Variants in UBE2J1 observed in about 807,000 individuals in gnomAD.
UBE2J1 encodes the protein ubiquitin conjugating enzyme E2 J1.
Under a neutral mutation model 42.1 loss-of-function variants are expected in UBE2J1, and 17 were observed. The observed-to-expected ratio is 0.40, with a 90% CI of 0.28 to 0.61. The LOEUF is 0.61. Among genes scored for constraint, UBE2J1 ranks in the 20% least tolerant of loss-of-function variants. UBE2J1 has a pLI of 0.38. For synonymous variants in UBE2J1, 127 were observed against 137.2 expected (o/e 0.93, Z 0.52); for missense variants, 291 against 389.4 (o/e 0.75, Z 2.13).
At chr6:89,338,670 T>TTG in intron 3 of UBE2J1, 127 bp from the exon 4 acceptor site, 2 of 218,414 alleles carry the variant, frequency 9.2e-6, no homozygotes, top group Non-Finnish European at 1.4e-5. Flanking sequence ...TTTTTTTTTT[T>TTG]TTTTTTTTTT....
Position 89,342,356 on chromosome 6 carries a change from G to C in UBE2J1, c.205C>G (p.Pro69Ala). Reference sequence around the variant, plus strand: ...AGAATAATGCTTGGTGGTTTCATGGGATACTCTGGTGGCAGTACTATCCGC... The same window carrying C: ...AGAATAATGCTTGGTGGTTTCATGGCATACTCTGGTGGCAGTACTATCCGC... ...HGRIVLPPEY[P>A]MKPPSIILLT... Residue 69 changes from proline (P) to alanine (A), a missense_variant, in exon 3 of 8, where the codon CCC (proline) becomes GCC (alanine). Physicochemically the swap from Pro to Ala is conservative, Grantham distance 27 (BLOSUM62 -1). This residue lies in a region of UBE2J1 where 115 missense variants were observed against 193.1 expected (regional missense o/e 0.60). Transcript: ENST00000435041. 1 of 1,614,024 alleles carries C rather than the reference G, an allele frequency of 6.2e-7. No homozygotes were observed. The highest frequency in any genetic ancestry group is 8.5e-7 in the Non-Finnish European group (1 of 1,179,956).
intron 1 of UBE2J1, among the ~76,000 whole-genome samples, chr6:89,351,588 T>C (rs1768481738): frequency 6.6e-6 from 1 of 152,228 alleles, no homozygotes; most frequent in African/African-American, 2.4e-5. Flanking sequence ...CTAGTCTTGC[T>C]AATTCCTACT....
Position 89,338,233 on chromosome 6 carries a change from G to T in UBE2J1, c.400C>A (p.Pro134Thr), listed in dbSNP as rs140886444. Reference sequence around the variant, plus strand: ...TTGGCAAGTGCTCTTCTTTCCTCAGGAGTGTAATCTAGAGAACCTATGGCT... The same window carrying T: ...TTGGCAAGTGCTCTTCTTTCCTCAGTAGTGTAATCTAGAGAACCTATGGCT... The part of the protein sequence containing the change: ...EGAIGSLDYT[P>T]EERRALAKKS... Residue 134 changes from proline to threonine, a missense_variant, in exon 5 of 8, where the codon CCT (proline) becomes ACT (threonine). By Grantham distance (38) the Pro-to-Thr change is conservative. Coordinates refer to ENST00000435041, the MANE Select transcript of UBE2J1 (RefSeq NM_016021.3). 34 of 1,613,424 alleles carry T rather than the reference G, an allele frequency of 2.1e-5. No individual in the cohort carries two copies. The African/African-American group carries it at 4.0e-4, about 19-fold the overall frequency.
intron 4 of UBE2J1, 26 bp downstream of exon 4, chr6:89,338,433 T>C (rs377702612): frequency 8.5e-5 from 136 of 1,593,380 alleles, no homozygotes; most frequent in Non-Finnish European, 1.1e-4. Flanking sequence ...TTATGAGATT[T>C]ATATTCACTA....
intron 3 of UBE2J1, among the ~76,000 whole-genome samples, chr6:89,341,054 C>T (rs895617306): frequency 2.4e-4 from 37 of 152,172 alleles, no homozygotes; most frequent in Admixed American, 2.2e-3. Context: ...GGATTACAGG[C>T]GTGAGCCACC....
chr6:89,345,619 C>G (rs770479441), intron 1 of UBE2J1, among the ~76,000 whole-genome samples: 6 of 149,734 alleles, frequency 4.0e-5, no homozygotes, highest in Non-Finnish European at 7.4e-5. Flanking sequence ...AACAAACAAA[C>G]AAACAAAACC....
rs747937760 is a variant in UBE2J1, at chr6:89,333,984, C to CTGTA, written c.559-783_559-780dup. Among the ~76,000 whole-genome samples the CTGTA allele has an allele frequency of 9.2e-5, 14 of 152,214 alleles. No homozygotes were observed. In the East Asian group the frequency reaches 2.1e-3, roughly 23 times the overall value. The stretch of plus-strand genomic sequence containing the variant: ...GGATTAAATACTTAATACTTTACGT[C>CTGTA]TGTATGTATGTATGTATTTATTTAT... On this transcript the variant is annotated intron_variant, in intron 6 of 7. Coordinates refer to ENST00000435041, the MANE Select transcript of UBE2J1 (RefSeq NM_016021.3).
intron 1 of UBE2J1, among the ~76,000 whole-genome samples, chr6:89,345,681 G>A (rs1768349753): frequency 2.0e-5 from 3 of 152,104 alleles, no homozygotes; most frequent in Non-Finnish European, 4.4e-5. Flanking sequence ...GCCGAGGCAG[G>A]TGGATCACCT....
At chr6:89,347,991 G>A (rs1316202302) in intron 1 of UBE2J1, among the ~76,000 whole-genome samples, 1 of 152,142 alleles carries the variant, frequency 6.6e-6, no homozygotes. Context: ...GATTTCGCTG[G>A]CCTTATGATA....
At chr6:89,336,099 G>A (rs908495977) in intron 5 of UBE2J1, among the ~76,000 whole-genome samples, 2 of 152,120 alleles carry the variant, frequency 1.3e-5, no homozygotes, top group Non-Finnish European at 1.5e-5. Context: ...ATGAATGACT[G>A]AAAGTAAACA....
chr6:89,343,127 C>T (rs890998895), intron 2 of UBE2J1, among the ~76,000 whole-genome samples: 2 of 152,104 alleles, frequency 1.3e-5, no homozygotes, highest in African/African-American at 2.4e-5. Flanking sequence ...TTTCCACCTC[C>T]CCTCCCTCAG....
rs1554201731 is a variant in UBE2J1, at chr6:89,350,012, A to ATCCATAGACAACTACTGACAAG, written c.31+2526_31+2527insCTTGTCAGTAGTTGTCTATGGA. Among the ~76,000 whole-genome samples, 89 of 28,510 alleles carry ATCCATAGACAACTACTGACAAG rather than the reference A, an allele frequency of 3.1e-3. 1 individual carries two copies. Among genetic ancestry groups the ATCCATAGACAACTACTGACAAG allele is most frequent in the Non-Finnish European group, 6.1e-4 (10 of 16,432 alleles). 18.7% of individuals were successfully genotyped at this position (28,510 alleles called of 152,430 possible). A position where few individuals can be genotyped will look rare whatever the true frequency, so the allele number is the denominator to read the frequency against. The stretch of plus-strand genomic sequence containing the variant: ...TGACAGATTATAGACAAGTAGCATG[A>ATCCATAGACAACTACTGACAAG]TCCATAGACAACTACTGCTACTACA... On this transcript the variant is annotated intron_variant, in intron 1 of 7. Coordinates refer to ENST00000435041, the MANE Select transcript of UBE2J1 (RefSeq NM_016021.3).
intron 1 of UBE2J1, among the ~76,000 whole-genome samples, chr6:89,352,327 C>T (rs375277794): frequency 6.6e-5 from 10 of 152,226 alleles, no homozygotes; most frequent in Non-Finnish European, 1.5e-4. Context: ...TGCTGCGGGG[C>T]GCGCTGGCCG....
At chr6:89,349,811 T>C (rs752071580) in intron 1 of UBE2J1, among the ~76,000 whole-genome samples, 1 of 152,096 alleles carries the variant, frequency 6.6e-6, no homozygotes, top group Non-Finnish European at 1.5e-5. Flanking sequence ...GTGGGTACTT[T>C]TGCACCAGTC....
chr6:89,332,444 A>G (rs1166829726), intron 7 of UBE2J1, among the ~76,000 whole-genome samples: 1 of 152,188 alleles, frequency 6.6e-6, no homozygotes, highest in Admixed American at 6.5e-5. Flanking sequence ...CTTTTATTCA[A>G]CAATTATTTA....
chr6:89,342,531 T>C, intron 2 of UBE2J1, 76 bp from the exon 3 acceptor site: 2 of 1,378,976 alleles, frequency 1.5e-6, no homozygotes, highest in Middle Eastern at 1.9e-4. Context: ...ATTAGAAATA[T>C]TACCAAGCAA....
Position 89,327,070 on chromosome 6 carries a change from T to C in UBE2J1, c.*2609A>G, listed in dbSNP as rs531552033. 6.5e-6 allele frequency: 1 copy of C among 152,726 alleles called. No homozygotes were observed. Among genetic ancestry groups the C allele is most frequent in the South Asian group, 2.1e-4 (1 of 4,828 alleles). 9.5% of individuals were successfully genotyped at this position (152,726 alleles called of 1,614,324 possible). On this transcript the variant is annotated 3_prime_UTR_variant, in exon 8 of 8. Transcript: ENST00000435041. ...AAAAAGTTGAGAATCTTGAAATTCA[T>C]TTTTTTCAGTAGAATAAAACAATAA...
At chr6:89,336,845 GT>G (rs1031318909) in intron 5 of UBE2J1, among the ~76,000 whole-genome samples, 66 of 142,760 alleles carry the variant, frequency 4.6e-4, no homozygotes, top group Non-Finnish European at 5.1e-4. Context: ...AAAAATCTTT[GT>G]TTTTTTTTTT....
rs1767953061 is a variant in UBE2J1, at chr6:89,328,896, T to TC, written c.*782dup. ...CAGACCAAACATTCAAATCTTCAGA[T>TC]CCCCCCATTTAACTTCTGGAAGAAA... On this transcript the variant is annotated 3_prime_UTR_variant, in exon 8 of 8. Transcript: ENST00000435041. The TC allele has an allele frequency of 6.6e-6, 1 of 152,098 alleles. No homozygotes were observed. The highest frequency in any genetic ancestry group is 2.4e-5 in the African/African-American group (1 of 41,396). 9.4% of individuals were successfully genotyped at this position (152,098 alleles called of 1,614,324 possible).
Sources: allele counts gnomAD v4.1 joint callset (sites outside exome capture counted in the v4.1 genomes callset), GRCh38; gene constraint gnomAD v4.1.1; regional missense constraint gnomAD v4.1.1; transcripts MANE v1.5; gene names NCBI Gene and HGNC (gene_info 2026-07-23, HGNC 2026-07-21).